Variants in IRAG2 observed in about 807,000 individuals in gnomAD.
IRAG2 encodes lymphoid restricted membrane protein.
In IRAG2, 45 loss-of-function variants were observed where a neutral mutation model predicts 69.9. The observed-to-expected ratio is 0.64, with a 90% CI of 0.51 to 0.83. The LOEUF (loss-of-function observed/expected upper bound fraction) is 0.83, where lower values mean the gene tolerates loss of function less well. Among genes scored for constraint, IRAG2 ranks in the 40% least tolerant of loss-of-function variants. The probability of loss-of-function intolerance (pLI) is 0.00; values close to 1 mark genes in which losing one functional copy is unlikely to be tolerated. For missense variants in IRAG2, 520 were observed against 587.0 expected (o/e 0.89, Z 1.18); for synonymous variants, 193 against 202.4 (o/e 0.95, Z 0.40).
intron 16 of IRAG2, 67 bp downstream of exon 16, chr12:25,101,392 T>G: frequency 2.7e-6 from 3 of 1,116,444 alleles, no homozygotes; most frequent in Non-Finnish European, 3.7e-6. Context: ...TTGCTAAGTC[T>G]TATTATTACT....
rs755773475 is a variant in IRAG2, at chr12:25,088,171, C to T, written c.373+14C>T. The T allele has an allele frequency of 6.2e-7, 1 of 1,604,012 alleles. No individual in the cohort carries two copies. Among genetic ancestry groups the T allele is most frequent in the Admixed American group, 1.7e-5 (1 of 59,986 alleles). On this transcript the variant is annotated intron_variant, in intron 11 of 21. Coordinates refer to ENST00000556887, the MANE Select transcript of IRAG2 (RefSeq NM_001366544.2). ...ATGCTTCAGGAGGTAAGGAATGTTT[C>T]TTTCAATCCCCATGTGAACTTTTGT...
intron 1 of IRAG2, among the ~76,000 whole-genome samples, chr12:25,057,794 A>G (rs1382315212): frequency 1.3e-5 from 2 of 152,112 alleles, no homozygotes; most frequent in Admixed American, 6.5e-5. Flanking sequence ...CTCCACCTCT[A>G]GCACCCTAAG....
At chr12:25,026,536 G>C (rs1204498995) in intron 8 of IRAG2, among the ~76,000 whole-genome samples, 1 of 152,146 alleles carries the variant, frequency 6.6e-6, no homozygotes, top group Non-Finnish European at 1.5e-5. Flanking sequence ...TGTGGGTATA[G>C]AGGAAGTAAT....
intron 1 of IRAG2, among the ~76,000 whole-genome samples, chr12:25,060,667 T>TC: frequency 1.5e-5 from 2 of 137,096 alleles, no homozygotes; most frequent in South Asian, 4.6e-4. Flanking sequence ...AAATGTATTT[T>TC]CTTTTTTTTT....
intron 9 of IRAG2, among the ~76,000 whole-genome samples, chr12:25,027,398 C>CTTTTTTTTTTTT (rs527395400): frequency 7.8e-6 from 1 of 128,508 alleles, no homozygotes; most frequent in African/African-American, 2.9e-5. Flanking sequence ...CTTTTTTTTT[C>CTTTTTTTTTTTT]TTTTTTTTTT....
rs1410129302 is a variant in IRAG2, at chr12:25,079,886, C to G, written c.244+123C>G. ...ATTTAATTTTTTTTGTAAAATAATT[C>G]TTATAAAACAATTTTGAAGATATAG... On this transcript the variant is annotated intron_variant, in intron 9 of 21. Coordinates refer to ENST00000556887, the MANE Select transcript of IRAG2 (RefSeq NM_001366544.2). 3.0e-5 allele frequency: 18 copies of G among 609,742 alleles called. No individual in the cohort carries two copies. In the Admixed American group the frequency reaches 5.3e-4, roughly 18 times the overall value. 37.8% of individuals were successfully genotyped at this position (609,742 alleles called of 1,614,324 possible). A position where few individuals can be genotyped will look rare whatever the true frequency, so the allele number is the denominator to read the frequency against.
chr12:25,003,014 T>C (rs537187617), upstream of IRAG2, among the ~76,000 whole-genome samples: 2 of 152,340 alleles, frequency 1.3e-5, no homozygotes, highest in South Asian at 4.1e-4. Flanking sequence ...AGATGGTCAT[T>C]ACCTTAAGTG....
intron 15 of IRAG2, among the ~76,000 whole-genome samples, chr12:25,037,504 G>A (rs1944710937): frequency 6.6e-6 from 1 of 152,082 alleles, no homozygotes; most frequent in Non-Finnish European, 1.5e-5. Context: ...TCACCATTTT[G>A]GCCAGGCTGA....
chr12:25,080,382 C>T (rs1481390611), intron 9 of IRAG2, among the ~76,000 whole-genome samples: 3 of 146,970 alleles, frequency 2.0e-5, no homozygotes, highest in Admixed American at 6.8e-5. Context: ...GACGGAGTCT[C>T]GTTGTGTCGC....
At position 25,106,994 on chromosome 12, in the gene IRAG2, G is replaced by A. The variant is rs560323568; in HGVS notation, c.1200G>A (p.Arg400=). 1.1e-5 allele frequency: 17 copies of A among 1,608,508 alleles called. No individual in the cohort carries two copies. The African/African-American group carries it at 2.3e-4, about 22-fold the overall frequency. The change falls in exon 21 of 22, where the codon AGG becomes AGA. Residue 400 remains arginine (R), a synonymous_variant. Transcript: ENST00000556887. ...PSGEETVERT[R]KPSLSEKKNN... ...GAGAAGAAACAGTAGAAAGGACAAG[G>A]AAGCCAAGTCTTTCTGAAAAGAAAA...
At chr12:25,030,396 C>CT (rs139837846) in intron 10 of IRAG2, 22,945 of 982,252 alleles carry the variant, frequency 0.023, 36 homozygotes, top group Non-Finnish European at 0.025. Flanking sequence ...AAATCTGATT[C>CT]TTTTTTTTTT....
At chr12:25,039,839 G>A (rs1419538707) in intron 16 of IRAG2, among the ~76,000 whole-genome samples, 5 of 152,162 alleles carry the variant, frequency 3.3e-5, no homozygotes, top group Admixed American at 1.3e-4. Context: ...CAAGCAGCCC[G>A]GTTAAATAAC....
chr12:25,029,894 T>C (rs184394553), intron 9 of IRAG2, among the ~76,000 whole-genome samples: 24 of 152,338 alleles, frequency 1.6e-4, no homozygotes, highest in Admixed American at 9.8e-4. Flanking sequence ...CCTCATGGAA[T>C]CTCTATGTTC....
At position 25,069,377 on chromosome 12, in the gene IRAG2, C is replaced by A; in HGVS notation, c.-31C>A. On this transcript the variant is annotated 5_prime_UTR_variant, in exon 6 of 22. Coordinates refer to ENST00000556887, the MANE Select transcript of IRAG2 (RefSeq NM_001366544.2). ...GCCCAGGCCCCACAAGTGGCCCCAG[C>A]CCAGGAACGAATCTCTCAGGCTGCA... 1 of 1,611,446 alleles carries A rather than the reference C, an allele frequency of 6.2e-7. No homozygotes were observed. The highest frequency in any genetic ancestry group is 1.1e-5 in the South Asian group (1 of 90,936).
chr12:25,015,922 G>T (rs1269411652), intron 5 of IRAG2, among the ~76,000 whole-genome samples: 1 of 152,188 alleles, frequency 6.6e-6, no homozygotes, highest in East Asian at 1.9e-4. Flanking sequence ...TGGGCTGGGC[G>T]CGGTGCCTCA....
intron 9 of IRAG2, among the ~76,000 whole-genome samples, chr12:25,028,016 C>T (rs1455911744): frequency 1.3e-5 from 2 of 152,112 alleles, no homozygotes; most frequent in African/African-American, 4.8e-5. Flanking sequence ...ACCTCTGCCT[C>T]CAGGTTCAAG....
At chr12:25,021,240 G>A (rs1944577825) in intron 7 of IRAG2, among the ~76,000 whole-genome samples, 1 of 151,802 alleles carries the variant, frequency 6.6e-6, no homozygotes, top group East Asian at 1.9e-4. Flanking sequence ...AAAGTGTTGG[G>A]ATTATAGGCA....
upstream of IRAG2, among the ~76,000 whole-genome samples, chr12:25,051,927 G>A (rs1217255684): frequency 1.3e-5 from 2 of 152,128 alleles, no homozygotes; most frequent in Non-Finnish European, 2.9e-5. Context: ...CTGAGTAACT[G>A]GCAACTGGCA....
intron 1 of IRAG2, among the ~76,000 whole-genome samples, chr12:25,053,942 C>T (rs2139898796): frequency 6.6e-6 from 1 of 152,020 alleles, no homozygotes; most frequent in Admixed American, 6.6e-5. Context: ...TTTAAAATAG[C>T]AATGGTTTGC....
Sources: allele counts gnomAD v4.1 joint callset (sites outside exome capture counted in the v4.1 genomes callset), GRCh38; gene constraint gnomAD v4.1.1; transcripts MANE v1.5; gene names NCBI Gene and HGNC (gene_info 2026-07-23, HGNC 2026-07-21).